Variants in TSPYL1 observed in about 807,000 individuals in gnomAD.
The protein encoded by TSPYL1 is testis-specific Y-encoded-like protein 1.
Under a neutral mutation model 20.1 loss-of-function variants are expected in TSPYL1, and 16 were observed. The observed-to-expected ratio is 0.80, with a 90% CI of 0.54 to 1.21. The LOEUF (loss-of-function observed/expected upper bound fraction) is 1.21. Among genes scored for constraint, TSPYL1 ranks in the 50% most tolerant of loss-of-function variants. The probability of loss-of-function intolerance (pLI) is 0.00; values close to 1 mark genes in which losing one functional copy is unlikely to be tolerated. For missense variants in TSPYL1, 560 were observed against 569.3 expected (o/e 0.98, Z 0.17); for synonymous variants, 259 against 227.1 (o/e 1.14, Z -1.26).
Position 116,279,307 on chromosome 6 carries a change from A to ACCG in TSPYL1, c.523_524insCGG (p.Glu174_Val175insAla), listed in dbSNP as rs1554206197. 8 of 1,604,704 alleles carry ACCG rather than the reference A, an allele frequency of 5.0e-6. No individual in the cohort carries two copies. The highest frequency in any genetic ancestry group is 5.1e-6 in the Non-Finnish European group (6 of 1,178,338). On this transcript the variant is annotated inframe_insertion, in exon 1 of 1. Transcript: ENST00000368608. ...CTTCTCCGCCAGGCCTTCCTTCACC[A>ACCG]CCTCAGCGCTCTCCCTCTCAGCCAC...
At position 116,277,908 on chromosome 6, in the gene TSPYL1, CAAAAAAAAAAAAA is replaced by C. The variant is rs57691187; in HGVS notation, c.*596_*608del. Reference sequence around the variant, plus strand: ...CAGAGCAAGACTCCGTCCTCCGTCTCAAAAAAAAAAAAAAAAAAAAAAAAAAGGAAAACAGGGA... The same window carrying C: ...CAGAGCAAGACTCCGTCCTCCGTCTCAAAAAAAAAAAAAGGAAAACAGGGA... On this transcript the variant is annotated 3_prime_UTR_variant, in exon 1 of 1. Transcript: ENST00000368608. 10 of 57,336 alleles carry C rather than the reference CAAAAAAAAAAAAA, an allele frequency of 1.7e-4. No individual in the cohort carries two copies. Among genetic ancestry groups the C allele is most frequent in the East Asian group, 4.6e-4 (1 of 2,166 alleles). The allele number at this position is 57,336 out of a possible 1,614,324, so 3.6% of individuals were successfully genotyped here.
rs571356338 is a variant in TSPYL1, at chr6:116,279,431, T to C, written c.400A>G (p.Ile134Val). Reference protein sequence around the residue: ...GVQGGEKALEICGAQRSASEL... With the variant: ...GVQGGEKALEVCGAQRSASEL... ...GACGCGGATCTCTGGGCGCCACAGA[T>C]TTCTAGGGCCTTCTCTCCACCCTGA... The change falls in exon 1 of 1, where the codon ATC (isoleucine) becomes GTC (valine). Residue 134 changes from isoleucine (I) to valine (V), a missense_variant. By Grantham distance (29) the Ile-to-Val change is conservative (BLOSUM62 3). Transcript: ENST00000368608. The C allele has an allele frequency of 9.2e-5, 148 of 1,613,456 alleles. 1 individual carries two copies. The South Asian group carries it at 1.5e-3, about 16-fold the overall frequency.
rs770769250 is a variant in TSPYL1 at position 116,279,824 on chromosome 6, C to T, written c.7G>A (p.Gly3Ser). The change falls in exon 1 of 1, where the codon GGC (glycine) becomes AGC (serine). Residue 3 changes from glycine (G) to serine (S), a missense_variant. Gly to Ser is a moderately conservative substitution (Grantham distance 56, BLOSUM62 0). Transcript: ENST00000368608. Reference sequence around the variant, plus strand: ...GTGGTCCTCTTGACCCCATCCAGGCCGCTCATGTTGCTAACAGTCGGACCA... The same window carrying T: ...GTGGTCCTCTTGACCCCATCCAGGCTGCTCATGTTGCTAACAGTCGGACCA... MS[G>S]LDGVKRTTPL... is the part of the protein sequence containing the mutation. 5 of 1,612,934 alleles carry T rather than the reference C, an allele frequency of 3.1e-6. No individual in the cohort carries two copies. The highest frequency in any genetic ancestry group is 2.7e-5 in the African/African-American group (2 of 74,930).
chr6:116,277,151 A>G lies in TSPYL1; in HGVS notation c.*1366T>C, dbSNP rs186926066. On this transcript the variant is annotated 3_prime_UTR_variant, in exon 1 of 1. Coordinates refer to ENST00000368608, the MANE Select transcript of TSPYL1 (RefSeq NM_003309.4). ...CACAATAAGTTTAGAATCAGAAAAA[A>G]AAATTTTACTAAATCCTAATGAAAT... 6.5e-6 allele frequency: 1 copy of G among 152,756 alleles called. No individual in the cohort carries two copies. The highest frequency in any genetic ancestry group is 1.9e-4 in the East Asian group (1 of 5,192). The allele number at this position is 152,756 out of a possible 1,614,324, so 9.5% of individuals were successfully genotyped here. A position where few individuals can be genotyped will look rare whatever the true frequency, so the allele number is the denominator to read the frequency against.
In TSPYL1 at chr6:116,278,441, C is replaced by T. The variant is rs1773269515; in HGVS notation, c.*76G>A. 1 of 1,593,920 alleles carries T rather than the reference C, an allele frequency of 6.3e-7. No individual in the cohort carries two copies. Among genetic ancestry groups the T allele is most frequent in the Non-Finnish European group, 8.6e-7 (1 of 1,163,894 alleles). The stretch of plus-strand genomic sequence containing the variant: ...AACAAAGCACAATAGAAGGCATACT[C>T]ATTGCTGATGCCCAAGCACAGGTCC... On this transcript the variant is annotated 3_prime_UTR_variant, in exon 1 of 1. Coordinates refer to ENST00000368608, the MANE Select transcript of TSPYL1 (RefSeq NM_003309.4).
rs1349322734 is a variant in TSPYL1, at chr6:116,276,016, T to C, written c.*2501A>G. 3.9e-5 allele frequency among the ~76,000 whole-genome samples: 6 copies of C among 152,226 alleles called. No individual in the cohort carries two copies. Among genetic ancestry groups the C allele is most frequent in the African/African-American group, 7.2e-5 (3 of 41,460 alleles). ...CCCAAAGAAGGGAATGGACTTTATC[T>C]TCTTACTCTTTTTCTCTATTTGTGG... On this transcript the variant is annotated 3_prime_UTR_variant, in exon 1 of 1. Transcript: ENST00000368608.
rs749980762 is a variant in TSPYL1 at position 116,276,836 on chromosome 6, G to A, written c.*1681C>T. 1 of 151,952 alleles carries A rather than the reference G, an allele frequency of 6.6e-6. No homozygotes were observed. The highest frequency in any genetic ancestry group is 1.5e-5 in the Non-Finnish European group (1 of 67,960). 9.4% of individuals were successfully genotyped at this position (151,952 alleles called of 1,614,324 possible). ...AATTTCACAGTATTTAAGCAATTTAGGAAAAAAGATATATCACTTACTAAG... is the reference window on the plus strand; with the variant it reads ...AATTTCACAGTATTTAAGCAATTTAAGAAAAAAGATATATCACTTACTAAG... On this transcript the variant is annotated 3_prime_UTR_variant, in exon 1 of 1. Transcript: ENST00000368608.
In TSPYL1 at chr6:116,278,744, G is replaced by C. The variant is rs779397957; in HGVS notation, c.1087C>G (p.Pro363Ala). The change falls in exon 1 of 1, where the codon CCC becomes GCC. Residue 363 changes from proline to alanine, a missense_variant. Physicochemically the swap from Pro to Ala is conservative, Grantham distance 27. Coordinates refer to ENST00000368608, the MANE Select transcript of TSPYL1 (RefSeq NM_003309.4). Reference sequence around the variant, plus strand: ...TGGTTTCTGCGAATGAAGGACTGGGGTTCATGCCCCCTGCGCCATATAATT... The same window carrying C: ...TGGTTTCTGCGAATGAAGGACTGGGCTTCATGCCCCCTGCGCCATATAATT... ...TPIIWRRGHE[P>A]QSFIRRNQDL... is the part of the protein sequence containing the mutation. 2 of 1,614,102 alleles carry C rather than the reference G, an allele frequency of 1.2e-6. No individual in the cohort carries two copies. The highest frequency in any genetic ancestry group is 3.3e-5 in the Admixed American group (2 of 60,018).
chr6:116,279,924 T>C lies in TSPYL1; in HGVS notation c.-94A>G. On this transcript the variant is annotated 5_prime_UTR_variant, in exon 1 of 1. Coordinates refer to ENST00000368608, the MANE Select transcript of TSPYL1 (RefSeq NM_003309.4). ...GCCGCTCGCACCGCCCACCCTACAG[T>C]CTCACTAACATTTCAGCGGCGGTGT... The C allele has an allele frequency of 6.4e-7, 1 of 1,555,872 alleles. No homozygotes were observed. The highest frequency in any genetic ancestry group is 8.9e-7 in the Non-Finnish European group (1 of 1,128,968).
Position 116,278,817 on chromosome 6 carries a change from C to G in TSPYL1, c.1014G>C (p.Lys338Asn). Reference sequence around the variant, plus strand: ...GGCCGGAGGATCTTACCTCATATTCCTTGACAATCAGCTTGTTTCTGAAGT... The same window carrying G: ...GGCCGGAGGATCTTACCTCATATTCGTTGACAATCAGCTTGTTTCTGAAGT... ...NPYFRNKLIV[K>N]EYEVRSSGRV... The change falls in exon 1 of 1, where the codon AAG (lysine) becomes AAC (asparagine). Residue 338 changes from lysine (K) to asparagine (N), a missense_variant. By Grantham distance (94) the Lys-to-Asn change is moderately conservative (BLOSUM62 0). Transcript: ENST00000368608. The G allele has an allele frequency of 1.2e-6, 2 of 1,614,138 alleles. No individual in the cohort carries two copies. The highest frequency in any genetic ancestry group is 1.7e-6 in the Non-Finnish European group (2 of 1,180,038).
Position 116,279,699 on chromosome 6 carries a change from C to T in TSPYL1, c.132G>A (p.Gln44=), listed in dbSNP as rs1453490837. Residue 44 remains glutamine, a synonymous_variant, in exon 1 of 1, where the codon CAG becomes CAA. Coordinates refer to ENST00000368608, the MANE Select transcript of TSPYL1 (RefSeq NM_003309.4). ...CTCCCTCACCCGGCTCCGCCATCAC[C>T]TGTGTCGCCTCGCTTTGGTCGCGGA... ...LRLRDQSEAT[Q]VMAEPGEGGS... 2 of 1,610,844 alleles carry T rather than the reference C, an allele frequency of 1.2e-6. No individual in the cohort carries two copies. Among genetic ancestry groups the T allele is most frequent in the Admixed American group, 1.7e-5 (1 of 60,034 alleles).
chr6:116,279,159 A>G lies in TSPYL1; in HGVS notation c.672T>C (p.His224=). The change falls in exon 1 of 1, where the codon CAT becomes CAC. Residue 224 remains histidine (H), a synonymous_variant. Coordinates refer to ENST00000368608, the MANE Select transcript of TSPYL1 (RefSeq NM_003309.4). ...CCAGAGGGTCCATGCGGAGAGCCTC[A>G]TGCAAAGGCCAGGGCCCTTCTTCCT... ...AREEEGPWPL[H]EALRMDPLEA... The G allele has an allele frequency of 6.2e-7, 1 of 1,613,804 alleles. No homozygotes were observed. Among genetic ancestry groups the G allele is most frequent in the Admixed American group, 1.7e-5 (1 of 60,010 alleles).
rs780477086 is a variant in TSPYL1, at chr6:116,279,362, T to C, written c.469A>G (p.Thr157Ala). The C allele has an allele frequency of 5.6e-6, 9 of 1,611,952 alleles. No individual in the cohort carries two copies. Among genetic ancestry groups the C allele is most frequent in the Non-Finnish European group, 7.6e-6 (9 of 1,180,026 alleles). Residue 157 changes from threonine (T) to alanine (A), a missense_variant, in exon 1 of 1, where the codon ACA (threonine) becomes GCA (alanine). Thr to Ala is a moderately conservative substitution (Grantham distance 58). Coordinates refer to ENST00000368608, the MANE Select transcript of TSPYL1 (RefSeq NM_003309.4). ...GCTGAGACGGTGGCGCACTTTCCTGTCTTCACCTCCTCCGCCTCAGCCTCC... is the reference window on the plus strand; with the variant it reads ...GCTGAGACGGTGGCGCACTTTCCTGCCTTCACCTCCTCCGCCTCAGCCTCC... ...GAEAEAEEVK[T>A]GKCATVSAAV...
In TSPYL1 at chr6:116,278,326, G is replaced by C; in HGVS notation, c.*191C>G. ...TCCAGAACAGCATGAAGGTCATATG[G>C]AAGTGGAGAAGCATACCCACCACCG... On this transcript the variant is annotated 3_prime_UTR_variant, in exon 1 of 1. Transcript: ENST00000368608. The C allele has an allele frequency of 1.5e-6, 1 of 657,682 alleles. No individual in the cohort carries two copies. Among genetic ancestry groups the C allele is most frequent in the South Asian group, 1.9e-5 (1 of 53,042 alleles). 40.7% of individuals were successfully genotyped at this position (657,682 alleles called of 1,614,324 possible).
In TSPYL1 at chr6:116,279,623, C is replaced by CG; in HGVS notation, c.207dup (p.Val70ArgfsTer74). On this transcript the variant is annotated frameshift_variant, in exon 1 of 1. Coordinates refer to ENST00000368608, the MANE Select transcript of TSPYL1 (RefSeq NM_003309.4). LOFTEE classifies it low-confidence loss of function (END_TRUNC). ...CCACGGCCCGCGGCATCCTGGGGTA[C>CG]GCCCCCCTCCTCTGAAGGCGGTGGA... is the stretch of plus-strand genomic sequence containing the variant. The CG allele has an allele frequency of 6.2e-7, 1 of 1,603,194 alleles. No individual in the cohort carries two copies. Among genetic ancestry groups the CG allele is most frequent in the Non-Finnish European group, 8.5e-7 (1 of 1,179,828 alleles).
chr6:116,276,032 C>CT lies in TSPYL1; in HGVS notation c.*2484dup, dbSNP rs2114625043. On this transcript the variant is annotated 3_prime_UTR_variant, in exon 1 of 1. Transcript: ENST00000368608. ...GACTTTATCTTCTTACTCTTTTTCT[C>CT]TATTTGTGGAATTCACTGTAATGAA... 6.6e-6 allele frequency among the ~76,000 whole-genome samples: 1 copy of CT among 152,260 alleles called. No homozygotes were observed. Among genetic ancestry groups the CT allele is most frequent in the African/African-American group, 2.4e-5 (1 of 41,564 alleles).
In TSPYL1 at chr6:116,277,056, G is replaced by GC; in HGVS notation, c.*1460dup. 1 of 152,164 alleles carries GC rather than the reference G, an allele frequency of 6.6e-6. No homozygotes were observed. The highest frequency in any genetic ancestry group is 1.9e-4 in the East Asian group (1 of 5,202). The allele number at this position is 152,164 out of a possible 1,614,324, so 9.4% of individuals were successfully genotyped here. ...ATTCATATGTCTCTATATTGTACAG[G>GC]CAAGTAAGACTGTTGTTCTTCCAAA... is the stretch of plus-strand genomic sequence containing the variant. On this transcript the variant is annotated 3_prime_UTR_variant, in exon 1 of 1. Coordinates refer to ENST00000368608, the MANE Select transcript of TSPYL1 (RefSeq NM_003309.4).
Position 116,279,620 on chromosome 6 carries a change from G to C in TSPYL1, c.211C>G (p.Pro71Ala). ...PPPPSEEGGV[P>A]QDAAGRGGTP... ...CCGCCACGGCCCGCGGCATCCTGGG[G>C]TACGCCCCCCTCCTCTGAAGGCGGT... The change falls in exon 1 of 1, where the codon CCC becomes GCC. Residue 71 changes from proline (P) to alanine (A), a missense_variant. Pro to Ala is a conservative substitution (Grantham distance 27). Coordinates refer to ENST00000368608, the MANE Select transcript of TSPYL1 (RefSeq NM_003309.4). 1 of 1,603,110 alleles carries C rather than the reference G, an allele frequency of 6.2e-7. No individual in the cohort carries two copies.
rs1471784927 is a variant in TSPYL1, at chr6:116,278,112, C to T, written c.*405G>A. 1 of 254,050 alleles carries T rather than the reference C, an allele frequency of 3.9e-6. No individual in the cohort carries two copies. Among genetic ancestry groups the T allele is most frequent in the Non-Finnish European group, 7.9e-6 (1 of 127,226 alleles). The allele number at this position is 254,050 out of a possible 1,614,324, so 15.7% of individuals were successfully genotyped here. A position where few individuals can be genotyped will look rare whatever the true frequency, so the allele number is the denominator to read the frequency against. On this transcript the variant is annotated 3_prime_UTR_variant, in exon 1 of 1. Transcript: ENST00000368608. Reference sequence around the variant, plus strand: ...AGTAACTGTCCACAGGGCATGTGCCCATACTGCTCAATGCAGAGCTGAGTA... The same window carrying T: ...AGTAACTGTCCACAGGGCATGTGCCTATACTGCTCAATGCAGAGCTGAGTA...
Sources: allele counts gnomAD v4.1 joint callset (sites outside exome capture counted in the v4.1 genomes callset), GRCh38; gene constraint gnomAD v4.1.1; transcripts MANE v1.5; gene names NCBI Gene and HGNC (gene_info 2026-07-23, HGNC 2026-07-21).